The following SYN3 variants were observed in gnomAD, a reference collection of about 807,000 sequenced individuals.
SYN3 encodes synapsin-3.
SYN3 carries 35 observed loss-of-function variants against 65.8 expected under a neutral mutation model. The observed-to-expected ratio is 0.53, with a 90% CI of 0.41 to 0.70. The LOEUF is 0.70. Among genes scored for constraint, SYN3 ranks in the 30% least tolerant of loss-of-function variants. SYN3 has a pLI of 0.00. For missense variants in SYN3, 680 were observed against 749.0 expected, an observed-to-expected ratio of 0.91 and a Z score of 1.08; for synonymous variants, 270 against 292.9, an observed-to-expected ratio of 0.92 and a Z score of 0.80.
rs926657180 is a variant in SYN3, at chr22:32,801,242, G to A, written c.711+63673C>T. Among the ~76,000 whole-genome samples, 2 of 152,242 alleles carry A rather than the reference G, an allele frequency of 1.3e-5. No homozygotes were observed. Among genetic ancestry groups the A allele is most frequent in the African/African-American group, 2.4e-5 (1 of 41,468 alleles). Reference sequence around the variant, plus strand: ...CCTGCTCTCTCCAGAGAAACTGGAGGGGTAGCAGTTAGCATTCCCCCGCTG... The same window carrying A: ...CCTGCTCTCTCCAGAGAAACTGGAGAGGTAGCAGTTAGCATTCCCCCGCTG... On this transcript the variant is annotated intron_variant, in intron 6 of 13. Coordinates refer to ENST00000358763, the MANE Select transcript of SYN3 (RefSeq NM_003490.4). This position sits in a 1 kb window ranked among gnomAD's most constrained non-coding sequence, Gnocchi z 4.7.
At chr22:33,000,126 G>A (rs1307742757) in intron 2 of SYN3, among the ~76,000 whole-genome samples, 1 of 152,148 alleles carries the variant, frequency 6.6e-6, no homozygotes, top group Non-Finnish European at 1.5e-5. Context: ...AGCACTTTGG[G>A]AAGCCGAAGT....
chr22:33,035,339 CCCCCCG>C (rs1402627518), intron 1 of SYN3, among the ~76,000 whole-genome samples: 7 of 94,838 alleles, frequency 7.4e-5, no homozygotes, highest in African/African-American at 2.7e-4. Context: ...GACCCCCCCC[CCCCCCG>C]CCACCAAACT....
intron 1 of SYN3, among the ~76,000 whole-genome samples, chr22:33,033,834 A>G (rs901091255): frequency 3.9e-5 from 6 of 152,176 alleles, no homozygotes; most frequent in African/African-American, 1.2e-4. Flanking sequence ...TCAGCCAAGC[A>G]GACGCAAGGC....
chr22:32,986,116 C>A (rs1238039715), intron 2 of SYN3, among the ~76,000 whole-genome samples: 1 of 152,018 alleles, frequency 6.6e-6, no homozygotes, highest in East Asian at 1.9e-4. Context: ...GCACAATGAG[C>A]TAGGGCACAG....
intron 4 of SYN3, among the ~76,000 whole-genome samples, chr22:32,882,439 T>C (rs1443278595): frequency 2.0e-5 from 3 of 152,214 alleles, no homozygotes; most frequent in Non-Finnish European, 4.4e-5. Context: ...TGTTAAGATT[T>C]GACAAACTCA....
chr22:32,879,932 C>A (rs1357183571), intron 4 of SYN3, among the ~76,000 whole-genome samples: 2 of 152,190 alleles, frequency 1.3e-5, no homozygotes, highest in Non-Finnish European at 2.9e-5. Flanking sequence ...CAGCTCTGCT[C>A]TTGTGTCTTT....
intron 6 of SYN3, among the ~76,000 whole-genome samples, chr22:32,829,112 C>T (rs917642824): frequency 9.2e-5 from 14 of 152,114 alleles, no homozygotes; most frequent in Admixed American, 2.0e-4. Context: ...CTGAAGAAGA[C>T]GGGCAGAGAT....
intron 7 of SYN3, among the ~76,000 whole-genome samples, chr22:32,578,200 C>T (rs939283801): frequency 1.3e-5 from 2 of 151,364 alleles, no homozygotes; most frequent in South Asian, 4.2e-4. Flanking sequence ...CTTTCTTTCT[C>T]TCTCTTTCTT....
chr22:33,036,881 G>A (rs1460554749), intron 1 of SYN3, among the ~76,000 whole-genome samples: 1 of 151,828 alleles, frequency 6.6e-6, no homozygotes, highest in Non-Finnish European at 1.5e-5. Flanking sequence ...AGTAGAGACG[G>A]GGTTTCTCCA....
chr22:32,951,838 T>C (rs536586276), intron 3 of SYN3, among the ~76,000 whole-genome samples: 1 of 152,334 alleles, frequency 6.6e-6, no homozygotes, highest in Non-Finnish European at 1.5e-5. Flanking sequence ...GTCTTTCACC[T>C]TCCCGGTCTT....
chr22:32,859,434 A>G (rs1346742476), intron 6 of SYN3: 3 of 1,560,376 alleles, frequency 1.9e-6, no homozygotes, highest in African/African-American at 2.7e-5. Context: ...TCCCTTGGAC[A>G]CTAACTCTTC....
At chr22:32,920,933 T>C (rs1360050388) in intron 4 of SYN3, among the ~76,000 whole-genome samples, 1 of 152,182 alleles carries the variant, frequency 6.6e-6, no homozygotes, top group East Asian at 1.9e-4. Flanking sequence ...TCCCCAGTTA[T>C]AGCTTCAATG....
At chr22:32,858,491 G>A (rs916633177) in intron 6 of SYN3, among the ~76,000 whole-genome samples, 2 of 152,142 alleles carry the variant, frequency 1.3e-5, no homozygotes, top group East Asian at 3.9e-4. Flanking sequence ...TTTCAAGTGG[G>A]CTCACCCTGG....
chr22:32,534,977 A>G (rs1367744793), intron 9 of SYN3, among the ~76,000 whole-genome samples: 2 of 152,162 alleles, frequency 1.3e-5, no homozygotes, highest in Non-Finnish European at 2.9e-5. Context: ...AAATAAAAAG[A>G]AGGATGGAGA....
chr22:32,795,366 GA>G lies in SYN3; in HGVS notation c.711+69548del, dbSNP rs765508159. The stretch of plus-strand genomic sequence containing the variant: ...TAAGAATGAGAGGAAGGGATGGTTA[GA>G]AGAGATGTGGATCATGAGACTCTAT... On this transcript the variant is annotated intron_variant, in intron 6 of 13. Transcript: ENST00000358763. Among the ~76,000 whole-genome samples the G allele has an allele frequency of 3.3e-5, 5 of 152,212 alleles. No individual in the cohort carries two copies. The East Asian group carries it at 7.7e-4, about 23-fold the overall frequency.
chr22:32,604,860 G>C (rs1453433227), intron 6 of SYN3, among the ~76,000 whole-genome samples: 2 of 151,828 alleles, frequency 1.3e-5, no homozygotes, highest in Admixed American at 6.6e-5. Context: ...AAAAAAATTA[G>C]CCGGGCGTGG....
intron 4 of SYN3, among the ~76,000 whole-genome samples, chr22:32,870,540 T>C (rs1029865879): frequency 1.2e-4 from 19 of 152,214 alleles, no homozygotes; most frequent in African/African-American, 4.3e-4. Context: ...TTTCATAAGA[T>C]AGATCCTAAG....
Position 32,804,068 on chromosome 22 carries a change from C to T in SYN3, c.711+60847G>A, listed in dbSNP as rs1601394581. ...CTGGATTGAAACAAGAAATAGCTCC[C>T]TCGCTCCTCTTCATAAATTTCTCAG... On this transcript the variant is annotated intron_variant, in intron 6 of 13. Transcript: ENST00000358763. Among the ~76,000 whole-genome samples, 3 of 152,314 alleles carry T rather than the reference C, an allele frequency of 2.0e-5. No individual in the cohort carries two copies. The South Asian group carries it at 6.2e-4, about 32-fold the overall frequency.
At chr22:32,941,111 TA>T (rs1034993183) in intron 3 of SYN3, among the ~76,000 whole-genome samples, 33 of 151,434 alleles carry the variant, frequency 2.2e-4, no homozygotes, top group Admixed American at 4.6e-4. Flanking sequence ...TCTTAAAGGT[TA>T]AAAAAAAAGT....
Sources: gnomAD v4.1 joint callset for allele counts (sites outside exome capture counted in the v4.1 genomes callset) on GRCh38, gnomAD v4.1.1 for gene constraint, Gnocchi (gnomAD v3.1) non-coding constraint, MANE v1.5 for transcripts, NCBI Gene and HGNC (gene_info 2026-07-23, HGNC 2026-07-21) for gene names.